JAK1: variants seen among roughly 807,000 people sequenced by gnomAD.
JAK1 encodes the protein Janus kinase 1, also known as tyrosine-protein kinase JAK1.
A neutral mutation model predicts 136.6 loss-of-function variants in JAK1; 16 were observed. The ratio of observed to expected loss-of-function variants is 0.12; its 90% CI spans 0.08 to 0.18. JAK1 has a LOEUF of 0.18. Among genes scored for constraint, JAK1 ranks in the 10% least tolerant of loss-of-function variants. The pLI, the probability that JAK1 is intolerant of heterozygous loss-of-function variation, is 1.00. For missense variants in JAK1, 859 were observed against 1,450.1 expected (o/e 0.59, Z 6.62); for synonymous variants, 492 against 519.5 (o/e 0.95, Z 0.72).
intron 2 of JAK1, among the ~76,000 whole-genome samples, chr1:64,988,346 G>A (rs886475324): frequency 9.2e-5 from 14 of 152,092 alleles, no homozygotes; most frequent in Non-Finnish European, 1.6e-4. Context: ...AAACTTTTTG[G>A]TGGCACAGGC....
chr1:64,942,631 A>G (rs959591855), intron 1 of JAK1, among the ~76,000 whole-genome samples: 13 of 152,212 alleles, frequency 8.5e-5, no homozygotes, highest in African/African-American at 3.1e-4. Context: ...CATTAACTCA[A>G]ATGTAACAAT....
intron 1 of JAK1, among the ~76,000 whole-genome samples, chr1:64,901,680 T>C (rs185028003): frequency 2.0e-5 from 3 of 152,314 alleles, no homozygotes; most frequent in African/African-American, 7.2e-5. Context: ...TTTTAACTTA[T>C]TTTTTAGGTG....
At chr1:65,041,705 C>T (rs1557770831) in intron 2 of JAK1, among the ~76,000 whole-genome samples, 1 of 152,150 alleles carries the variant, frequency 6.6e-6, no homozygotes, top group Non-Finnish European at 1.5e-5. Flanking sequence ...TATATACATA[C>T]AGTTGGTCCT....
At chr1:65,047,579 C>T (rs1647196423) in intron 1 of JAK1, among the ~76,000 whole-genome samples, 1 of 151,988 alleles carries the variant, frequency 6.6e-6, no homozygotes, top group South Asian at 2.1e-4. Context: ...ATTAGCCGGG[C>T]GTGGTGGCAG....
chr1:64,841,671 T>C, intron 17 of JAK1, 70 bp from the exon 18 acceptor site: 1 of 1,522,308 alleles, frequency 6.6e-7, no homozygotes, highest in Non-Finnish European at 9.1e-7. Context: ...CCAGGTCAGG[T>C]GGAATTGCCA....
intron 1 of JAK1, among the ~76,000 whole-genome samples, chr1:64,935,918 C>A (rs1300899142): frequency 6.6e-6 from 1 of 152,172 alleles, no homozygotes; most frequent in East Asian, 1.9e-4. Context: ...CCAGTAGGAA[C>A]ATCTTAGAAC....
rs888109286 is a variant in JAK1, at chr1:64,839,101, G to C, written c.2842+502C>G. Reference sequence around the variant, plus strand: ...GCGGAGCTTGCAGTGAGCCGAGATTGCGCCACTGCAGTCCAGCCTGGGCCA... The same window carrying C: ...GCGGAGCTTGCAGTGAGCCGAGATTCCGCCACTGCAGTCCAGCCTGGGCCA... On this transcript the variant is annotated intron_variant, in intron 20 of 24. Transcript: ENST00000342505. 6.6e-5 allele frequency among the ~76,000 whole-genome samples: 9 copies of C among 135,942 alleles called. No individual in the cohort carries two copies. The South Asian group carries it at 9.3e-4, about 14-fold the overall frequency. The allele number at this position is 135,942 out of a possible 152,430, so 89.2% of individuals were successfully genotyped here. A position where few individuals can be genotyped will look rare whatever the true frequency, so the allele number is the denominator to read the frequency against.
chr1:64,922,488 A>G (rs1445890909), intron 1 of JAK1, among the ~76,000 whole-genome samples: 1 of 24,518 alleles, frequency 4.1e-5, no homozygotes, highest in African/African-American at 5.4e-5. Flanking sequence ...GTTTATAAAC[A>G]CATTTTTTTT....
intron 2 of JAK1, among the ~76,000 whole-genome samples, chr1:65,029,729 G>A (rs1367052553): frequency 6.6e-6 from 1 of 152,140 alleles, no homozygotes; most frequent in Non-Finnish European, 1.5e-5. Flanking sequence ...GATACCACAT[G>A]TTCTCACTTA....
At chr1:65,003,640 G>A (rs1012882039) in intron 2 of JAK1, 1 of 152,044 alleles carries the variant, frequency 6.6e-6, no homozygotes, top group African/African-American at 2.4e-5. Flanking sequence ...TTTGCCCAAA[G>A]TCACCTAGCT....
At chr1:64,902,614 T>C (rs1288936487) in intron 1 of JAK1, among the ~76,000 whole-genome samples, 3 of 33,466 alleles carry the variant, frequency 9.0e-5, no homozygotes, top group Admixed American at 5.7e-4. Flanking sequence ...GTGTGTGTTA[T>C]GGCATGTTAA....
intron 1 of JAK1, among the ~76,000 whole-genome samples, chr1:64,944,312 T>A (rs1455226495): frequency 6.6e-6 from 1 of 151,924 alleles, no homozygotes; most frequent in Non-Finnish European, 1.5e-5. Context: ...ACTAATAAAT[T>A]GGAAATTTTT....
At chr1:64,935,242 C>T (rs1645767522) in intron 1 of JAK1, among the ~76,000 whole-genome samples, 1 of 152,314 alleles carries the variant, frequency 6.6e-6, no homozygotes. Context: ...AGAAATATTT[C>T]TGACCCTTTC....
At chr1:65,033,093 A>G (rs1349198809) in intron 2 of JAK1, among the ~76,000 whole-genome samples, 2 of 152,188 alleles carry the variant, frequency 1.3e-5, no homozygotes, top group Non-Finnish European at 2.9e-5. Context: ...TGAAGGCTGG[A>G]CTTCCAGAAG....
At chr1:64,992,881 T>C (rs1368918987) in intron 2 of JAK1, 2 of 137,154 alleles carry the variant, frequency 1.5e-5, no homozygotes, top group African/African-American at 5.7e-5. Flanking sequence ...AGAGCGAGAT[T>C]CCGAGATTCT....
chr1:65,031,017 G>A (rs1452443224), intron 2 of JAK1, among the ~76,000 whole-genome samples: 1 of 151,940 alleles, frequency 6.6e-6, no homozygotes, highest in African/African-American at 2.4e-5. Context: ...AGCTGGGTGT[G>A]GGGGCGCACA....
chr1:64,963,573 C>T (rs765210603), intron 1 of JAK1, among the ~76,000 whole-genome samples: 1 of 152,112 alleles, frequency 6.6e-6, no homozygotes, highest in Non-Finnish European at 1.5e-5. Context: ...CCTCAACTAC[C>T]GGTAAATCTA....
intron 1 of JAK1, among the ~76,000 whole-genome samples, chr1:64,962,950 T>G (rs143775159): frequency 2.6e-4 from 40 of 152,150 alleles, no homozygotes; most frequent in African/African-American, 9.2e-4. Context: ...AACGTGCCTG[T>G]AATCCCAGCT....
intron 2 of JAK1, among the ~76,000 whole-genome samples, chr1:65,014,694 T>G (rs1466978956): frequency 6.6e-6 from 1 of 151,794 alleles, no homozygotes; most frequent in East Asian, 1.9e-4. Flanking sequence ...ATTCTTTTTT[T>G]TTTTTTTGGA....
Sources: gnomAD v4.1 joint callset for allele counts (sites outside exome capture counted in the v4.1 genomes callset) on GRCh38, gnomAD v4.1.1 for gene constraint, MANE v1.5 for transcripts, NCBI Gene and HGNC (gene_info 2026-07-23, HGNC 2026-07-21) for gene names.